Variants in ABCC12 observed in about 807,000 individuals in gnomAD.
ABCC12 encodes ATP-binding cassette sub-family C member 12.
A neutral mutation model predicts 151.1 loss-of-function variants in ABCC12; 142 were observed. That is an observed-to-expected ratio of 0.94 (90% CI 0.82 to 1.08). ABCC12 has a LOEUF of 1.08. Ranked by LOEUF, ABCC12 falls within the 50% of genes least tolerant of loss-of-function variation. The pLI is 0.00. For synonymous variants in ABCC12, 645 were observed against 646.4 expected (o/e 1.00, Z 0.03); for missense variants, 1,638 against 1,691.1 (o/e 0.97, Z 0.55).
chr16:48,089,755 A>T (rs1282221532), intron 25 of ABCC12, among the ~76,000 whole-genome samples: 1 of 152,230 alleles, frequency 6.6e-6, no homozygotes, highest in African/African-American at 2.4e-5. Context: ...TTAGTTTAAG[A>T]AATCTGCACA....
chr16:48,153,995 G>C (rs574627759), intron 1 of ABCC12, 111 bp from the exon 2 acceptor site: 3 of 152,376 alleles, frequency 2.0e-5, no homozygotes, highest in African/African-American at 7.2e-5. Context: ...TGCCTGGGGT[G>C]AGAAATCTGT....
chr16:48,106,909 G>A (rs952753202), intron 20 of ABCC12, among the ~76,000 whole-genome samples: 2 of 152,188 alleles, frequency 1.3e-5, no homozygotes, highest in Non-Finnish European at 2.9e-5. Flanking sequence ...ACTTTGGGGA[G>A]CAGAGACACG....
At chr16:48,107,566 T>A in intron 19 of ABCC12, 141 bp from the exon 20 acceptor site, 1 of 669,888 alleles carries the variant, frequency 1.5e-6, no homozygotes, top group East Asian at 2.7e-5. Flanking sequence ...CCTGCTAGAC[T>A]GATGCAGCAC....
At chr16:48,154,418 G>A (rs1273897989) in intron 1 of ABCC12, among the ~76,000 whole-genome samples, 1 of 151,824 alleles carries the variant, frequency 6.6e-6, no homozygotes, top group Admixed American at 6.6e-5. Flanking sequence ...AATATCAAGA[G>A]CTCTGTATGT....
Position 48,086,786 on chromosome 16 carries a change from A to G in ABCC12, c.3669T>C (p.Asp1223=), listed in dbSNP as rs16945786. 23,220 of 1,606,478 alleles carry G rather than the reference A, an allele frequency of 0.014. 2,811 individuals are homozygous for G. The African/African-American group carries it at 0.27, about 19-fold the overall frequency. ...YNLDPFESHT[D]EMLWQVLERT... is the part of the protein sequence containing the mutation. ...TCTCCAGAACCTGCCAGAGCATCTC[A>G]TCGGTGTGACTCTCAAAGGGATCCA... Residue 1223 remains aspartate, a synonymous_variant, in exon 28 of 31, where the codon GAT becomes GAC. Transcript: ENST00000311303.
At position 48,088,693 on chromosome 16, in the gene ABCC12, G is replaced by A; in HGVS notation, c.3327C>T (p.Thr1109=). ...CACGGCTGGGCCAGTCCTTGGGACA[G>A]GTCCCCACTTTGAGGGGATGAGTGC... ...PECTHPLKVG[T]CPKDWPSRGE... Residue 1109 remains threonine (T), a synonymous_variant, in exon 26 of 31, where the codon ACC becomes ACT. Coordinates refer to ENST00000311303, the MANE Select transcript of ABCC12 (RefSeq NM_001393797.1). The A allele has an allele frequency of 6.2e-7, 1 of 1,614,112 alleles. No individual in the cohort carries two copies. The highest frequency in any genetic ancestry group is 8.5e-7 in the Non-Finnish European group (1 of 1,179,986).
At chr16:48,097,212 GAGA>G (rs1339302533) in intron 23 of ABCC12, among the ~76,000 whole-genome samples, 18 of 152,142 alleles carry the variant, frequency 1.2e-4, no homozygotes, top group Admixed American at 1.2e-3. Flanking sequence ...ATCTACAGCT[GAGA>G]AGAAGAGGTG....
chr16:48,130,738 C>A, intron 10 of ABCC12, 50 bp downstream of exon 10: 1 of 1,463,256 alleles, frequency 6.8e-7, no homozygotes, highest in Non-Finnish European at 9.6e-7. Context: ...GAGCATTTTC[C>A]CACCCCAAAA....
rs565602959 is a variant in ABCC12 at position 48,131,432 on chromosome 16, T to C, written c.1129-537A>G. Among the ~76,000 whole-genome samples the C allele has an allele frequency of 1.1e-4, 16 of 152,264 alleles. No homozygotes were observed. The East Asian group carries it at 2.7e-3, about 26-fold the overall frequency. ...TCCTGCTCCCAGGACCTGGCCTCCATGCCCTGCCTCCCCATTCACCACACA... is the reference window on the plus strand; with the variant it reads ...TCCTGCTCCCAGGACCTGGCCTCCACGCCCTGCCTCCCCATTCACCACACA... On this transcript the variant is annotated intron_variant, in intron 9 of 30. Transcript: ENST00000311303.
At position 48,117,317 on chromosome 16, in the gene ABCC12, G is replaced by A. The variant is rs765722757; in HGVS notation, c.1729C>T (p.Arg577Cys). Residue 577 changes from arginine to cysteine, a missense_variant, in exon 14 of 31, where the codon CGC becomes TGC. Physicochemically the swap from Arg to Cys is radical, Grantham distance 180. Coordinates refer to ENST00000311303, the MANE Select transcript of ABCC12 (RefSeq NM_001393797.1). ...YDHQRYQHTV[R>C]VCGLQKDLSN... ...AGGTCCTTCTGGAGGCCACAGACGC[G>A]GACTGTGTGCTGATACCTGTTGGTG... 3.5e-5 allele frequency: 56 copies of A among 1,613,650 alleles called. No homozygotes were observed. The highest frequency in any genetic ancestry group is 3.0e-4 in the Admixed American group (18 of 59,978).
rs756247728 is a variant in ABCC12, at chr16:48,124,253, C to T, written c.1547G>A (p.Gly516Glu). The change falls in exon 12 of 31, where the codon GGA becomes GAA. Residue 516 changes from glycine to glutamate, a missense_variant. Physicochemically the swap from Gly to Glu is moderately conservative, Grantham distance 98 (BLOSUM62 -2). Transcript: ENST00000311303. ...GKILGICGNVGSGKSSLLAAL... is the reference protein window; with the variant it reads ...GKILGICGNVESGKSSLLAAL... ...TGCAAGGAGGGAGCTCTTTCCACTT[C>T]CCACATTCCCACATATTCCCAAGAT... The T allele has an allele frequency of 5.0e-6, 8 of 1,614,232 alleles. No individual in the cohort carries two copies. The Admixed American group carries it at 8.3e-5, about 17-fold the overall frequency.
intron 13 of ABCC12, among the ~76,000 whole-genome samples, chr16:48,118,156 C>A (rs1017772433): frequency 1.3e-5 from 2 of 152,282 alleles, no homozygotes; most frequent in East Asian, 3.9e-4. Flanking sequence ...CCACAGCGGT[C>A]CCCAGGGGCA....
intron 20 of ABCC12, 111 bp downstream of exon 20, chr16:48,107,211 G>A: frequency 2.0e-6 from 2 of 998,620 alleles, no homozygotes; most frequent in Middle Eastern, 2.1e-4. Context: ...AAAGGGCAGA[G>A]GGATGCATGT....
chr16:48,137,238 G>C (rs530911549), intron 8 of ABCC12, among the ~76,000 whole-genome samples: 53 of 152,076 alleles, frequency 3.5e-4, no homozygotes, highest in Non-Finnish European at 6.2e-4. Context: ...ACAAACTCGT[G>C]GCTATTTTTG....
chr16:48,095,639 G>A lies in ABCC12; in HGVS notation c.3195+1107C>T, dbSNP rs536916832. ...AAAGACAAGAACATGGAAACTGAGAGAAAAGAAAAAGAAACATAGAGAATT... is the reference window on the plus strand; with the variant it reads ...AAAGACAAGAACATGGAAACTGAGAAAAAAGAAAAAGAAACATAGAGAATT... On this transcript the variant is annotated intron_variant, in intron 24 of 30. Transcript: ENST00000311303. 2.0e-5 allele frequency among the ~76,000 whole-genome samples: 3 copies of A among 148,190 alleles called. No homozygotes were observed. The East Asian group carries it at 5.9e-4, about 29-fold the overall frequency.
chr16:48,152,854 A>T (rs972710438), intron 2 of ABCC12, among the ~76,000 whole-genome samples: 2 of 152,248 alleles, frequency 1.3e-5, no homozygotes, highest in African/African-American at 4.8e-5. Context: ...ACGAAAGACA[A>T]AGAAAAGTGA....
At chr16:48,109,977 A>G (rs1457265237) in intron 18 of ABCC12, among the ~76,000 whole-genome samples, 1 of 152,186 alleles carries the variant, frequency 6.6e-6, no homozygotes, top group Non-Finnish European at 1.5e-5. Context: ...TCTCTCCAGC[A>G]TGAAATTTCA....
In ABCC12 at chr16:48,100,895, G is replaced by T; in HGVS notation, c.3015C>A (p.Gly1005=). ...ACTAGGTGATGCAGCTCTCCTTCTT[G>T]CCATAGGCGTGAATGATGCCCAGGC... ...MQGLGIIHAY[G]KKESCITYHL... The change falls in exon 23 of 31, where the codon GGC becomes GGA. Residue 1005 remains glycine, a synonymous_variant. Coordinates refer to ENST00000311303, the MANE Select transcript of ABCC12 (RefSeq NM_001393797.1). 6.2e-7 allele frequency: 1 copy of T among 1,614,146 alleles called. No homozygotes were observed. Among genetic ancestry groups the T allele is most frequent in the East Asian group, 2.2e-5 (1 of 44,874 alleles).
intron 2 of ABCC12, chr16:48,146,818 T>C: frequency 4.7e-6 from 1 of 213,424 alleles, no homozygotes; most frequent in Admixed American, 5.2e-5. Flanking sequence ...GTTTTCTTAG[T>C]ATTACTCAGA....
Sources: gnomAD v4.1 joint callset for allele counts (sites outside exome capture counted in the v4.1 genomes callset) on GRCh38, gnomAD v4.1.1 for gene constraint, MANE v1.5 for transcripts, NCBI Gene and HGNC (gene_info 2026-07-23, HGNC 2026-07-21) for gene names.